The following NHSL1 variants were observed in gnomAD, a reference collection of about 807,000 sequenced individuals.
NHSL1 encodes the protein NHS like 1, also known as NHS-like protein 1.
A neutral mutation model predicts 95.0 loss-of-function variants in NHSL1; 48 were observed. The ratio of observed to expected loss-of-function variants is 0.51; its 90% CI spans 0.40 to 0.64. The LOEUF (loss-of-function observed/expected upper bound fraction) is 0.64, where lower values mean the gene tolerates loss of function less well. NHSL1 is among the 30% of genes least tolerant of loss of function. The pLI is 0.00. For missense variants in NHSL1, 1,971 were observed against 2,077.7 expected (o/e 0.95, Z 1.00); for synonymous variants, 783 against 833.9 (o/e 0.94, Z 1.05).
At chr6:138,429,132 G>A (rs1484222442) in intron 7 of NHSL1, among the ~76,000 whole-genome samples, 2 of 152,086 alleles carry the variant, frequency 1.3e-5, no homozygotes, top group African/African-American at 4.8e-5. Flanking sequence ...TAAACCCAAC[G>A]ATTTCTGATG....
intron 1 of NHSL1, among the ~76,000 whole-genome samples, chr6:138,655,419 G>T (rs1416394558): frequency 6.6e-6 from 1 of 152,094 alleles, no homozygotes; most frequent in African/African-American, 2.4e-5. Flanking sequence ...TGAGGTCAGA[G>T]GATATTTCTT....
At chr6:138,666,402 TAACACGGTGA>T (rs1785295194) in intron 1 of NHSL1, among the ~76,000 whole-genome samples, 1 of 151,940 alleles carries the variant, frequency 6.6e-6, no homozygotes, top group African/African-American at 2.4e-5. Context: ...CCATCCTGGC[TAACACGGTGA>T]AACCCCGTCT....
At chr6:138,609,928 T>C (rs12523677) in intron 1 of NHSL1, among the ~76,000 whole-genome samples, 29,478 of 152,038 alleles carry the variant, frequency 0.19, 2,942 homozygotes, top group Middle Eastern at 0.27. Flanking sequence ...GTGACTACCA[T>C]CAATGCCATC....
intron 1 of NHSL1, among the ~76,000 whole-genome samples, chr6:138,526,546 C>T (rs1011489412): frequency 3.3e-5 from 5 of 152,178 alleles, no homozygotes; most frequent in Non-Finnish European, 5.9e-5. Flanking sequence ...TTATATTGTA[C>T]TTGCCACTTC....
At chr6:138,534,010 T>C (rs1782239625) in intron 1 of NHSL1, among the ~76,000 whole-genome samples, 1 of 152,238 alleles carries the variant, frequency 6.6e-6, no homozygotes, top group South Asian at 2.1e-4. Flanking sequence ...CCATTAATGA[T>C]TGAAACTGTT....
intron 4 of NHSL1, among the ~76,000 whole-genome samples, chr6:138,444,399 C>G (rs1012757215): frequency 2.0e-5 from 3 of 152,094 alleles, no homozygotes; most frequent in African/African-American, 7.2e-5. Flanking sequence ...TCCCACATAG[C>G]AGATGATAGA....
At chr6:138,587,971 C>T (rs1439909369) in intron 1 of NHSL1, among the ~76,000 whole-genome samples, 1 of 152,268 alleles carries the variant, frequency 6.6e-6, no homozygotes, top group Non-Finnish European at 1.5e-5. Flanking sequence ...CTTCATGGTA[C>T]AGATGAGGAA....
upstream of NHSL1, among the ~76,000 whole-genome samples, chr6:138,692,808 C>T (rs1316529986): frequency 1.3e-5 from 2 of 150,740 alleles, no homozygotes; most frequent in African/African-American, 4.8e-5. This position sits in a 1 kb window ranked among gnomAD's most constrained non-coding sequence, Gnocchi z 4.0. Flanking sequence ...GTCTGCCTCC[C>T]GTCGGCGCGG....
chr6:138,504,341 T>G (rs1780848061), upstream of NHSL1, among the ~76,000 whole-genome samples: 1 of 152,154 alleles, frequency 6.6e-6, no homozygotes, highest in African/African-American at 2.4e-5. Context: ...CCTTTGGAAG[T>G]TCACAGTCTA....
At chr6:138,506,121 T>A (rs1272541951) in intron 1 of NHSL1, among the ~76,000 whole-genome samples, 6 of 152,144 alleles carry the variant, frequency 3.9e-5, no homozygotes, top group African/African-American at 1.4e-4. Context: ...TACAGAGTAG[T>A]AAGGGATTTT....
At chr6:138,576,473 G>A (rs369441011), upstream of NHSL1, among the ~76,000 whole-genome samples, 15 of 152,310 alleles carry the variant, frequency 9.8e-5, no homozygotes, top group East Asian at 2.9e-3. Context: ...ACCGTGCTGG[G>A]CTGCCCCCTC....
At chr6:138,667,562 T>A (rs1735789148) in intron 1 of NHSL1, among the ~76,000 whole-genome samples, 2 of 152,250 alleles carry the variant, frequency 1.3e-5, no homozygotes, top group African/African-American at 4.8e-5. Context: ...GACATTATTC[T>A]AAAGAGGAAA....
In NHSL1 at chr6:138,478,092, C is replaced by T. The variant is rs949026275; in HGVS notation, c.212-4659G>A. On this transcript the variant is annotated intron_variant, in intron 2 of 7. Transcript: ENST00000343505. ...CAGGCTGGAACAGAGTGCAATGGTG[C>T]AACCTCTGCCTCCCAGGTTCAAGCG... 2.5e-5 allele frequency among the ~76,000 whole-genome samples: 3 copies of T among 122,210 alleles called. No homozygotes were observed. The Admixed American group carries it at 3.5e-4, about 14-fold the overall frequency. The allele number at this position is 122,210 out of a possible 152,430, so 80.2% of individuals were successfully genotyped here.
In NHSL1 at chr6:138,465,466, C is replaced by T. The variant is rs560884351; in HGVS notation, c.339+7840G>A. 4.6e-5 allele frequency among the ~76,000 whole-genome samples: 7 copies of T among 152,266 alleles called. 1 individual carries two copies. The East Asian group carries it at 1.4e-3, about 29-fold the overall frequency. On this transcript the variant is annotated intron_variant, in intron 3 of 7. Coordinates refer to ENST00000343505, the MANE Select transcript of NHSL1 (RefSeq NM_001144060.2). ...GTGCCGTTTTGCCTGTTGCAACAGC[C>T]CCACAACTATTCTTCTTACATACTT...
At chr6:138,599,194 G>A (rs917570637) in intron 1 of NHSL1, among the ~76,000 whole-genome samples, 5 of 152,176 alleles carry the variant, frequency 3.3e-5, no homozygotes, top group Non-Finnish European at 7.3e-5. Context: ...ATAATTTAGT[G>A]TTTTATGGTA....
chr6:138,522,294 T>C (rs1781715635), intron 1 of NHSL1, among the ~76,000 whole-genome samples: 1 of 152,220 alleles, frequency 6.6e-6, no homozygotes, highest in South Asian at 2.1e-4. Context: ...GTAACTTCCT[T>C]GTTCAAAGAA....
chr6:138,583,872 G>A (rs2114498406), intron 1 of NHSL1, among the ~76,000 whole-genome samples: 1 of 152,286 alleles, frequency 6.6e-6, no homozygotes, highest in South Asian at 2.1e-4. Context: ...GCCAAGGTGG[G>A]AGGATCACTT....
chr6:138,629,223 G>C (rs1429156675), intron 1 of NHSL1, among the ~76,000 whole-genome samples: 1 of 152,116 alleles, frequency 6.6e-6, no homozygotes, highest in African/African-American at 2.4e-5. Context: ...TTTCCCATCA[G>C]CTCTTCCAGA....
intron 2 of NHSL1, among the ~76,000 whole-genome samples, chr6:138,488,981 G>C (rs1446863485): frequency 6.6e-6 from 1 of 152,204 alleles, no homozygotes; most frequent in East Asian, 1.9e-4. Context: ...GGGTCTTTCA[G>C]AGGTTGATGG....
Sources: gnomAD v4.1 joint callset for allele counts (sites outside exome capture counted in the v4.1 genomes callset) on GRCh38, gnomAD v4.1.1 for gene constraint, Gnocchi (gnomAD v3.1) non-coding constraint, MANE v1.5 for transcripts, NCBI Gene and HGNC (gene_info 2026-07-23, HGNC 2026-07-21) for gene names.